Variants in ICA1 observed in about 807,000 individuals in gnomAD.
ICA1 encodes the protein islet cell autoantigen 1, also known as 69 kDa islet cell autoantigen.
In ICA1, 40 loss-of-function variants were observed where a neutral mutation model predicts 71.0. The observed-to-expected ratio is 0.56, with a 90% CI of 0.44 to 0.73. The LOEUF is 0.73. Ranked by LOEUF, ICA1 falls within the 30% of genes least tolerant of loss-of-function variation. The probability of loss-of-function intolerance (pLI) is 0.00; values close to 1 mark genes in which losing one functional copy is unlikely to be tolerated. For synonymous variants in ICA1, 207 were observed against 209.5 expected (o/e 0.99, Z 0.10); for missense variants, 578 against 576.5 (o/e 1.00, Z -0.03).
At chr7:8,192,706 C>A (rs1786093510) in intron 6 of ICA1, among the ~76,000 whole-genome samples, 1 of 151,816 alleles carries the variant, frequency 6.6e-6, no homozygotes, top group African/African-American at 2.4e-5. Context: ...CAACATTCTA[C>A]ATTTATTGGT....
intron 1 of ICA1, among the ~76,000 whole-genome samples, chr7:8,250,319 C>T (rs1263945315): frequency 3.3e-5 from 5 of 152,136 alleles, no homozygotes; most frequent in African/African-American, 1.2e-4. Context: ...TTCCTCCAGG[C>T]ATAATTAACC....
intron 7 of ICA1, 137 bp from the exon 8 acceptor site, chr7:8,157,351 GCC>G: frequency 1.2e-6 from 1 of 868,142 alleles, no homozygotes; most frequent in Non-Finnish European, 1.7e-6. Flanking sequence ...TTCCCATTAT[GCC>G]CCCAATTACA....
At chr7:8,141,859 GT>G (rs1237109872) in intron 9 of ICA1, 42 bp from the exon 10 acceptor site, 1 of 1,433,886 alleles carries the variant, frequency 7.0e-7, no homozygotes. Context: ...TTCTACCAAT[GT>G]TATATTTATG....
In ICA1 at chr7:8,251,577, G is replaced by A. The variant is rs144266314; in HGVS notation, c.-80+10517C>T. The stretch of plus-strand genomic sequence containing the variant: ...CCTTTTCAATGATTAAAAAATTGGG[G>A]TTCTAAAAATAGAGATGACTTGTCC... On this transcript the variant is annotated intron_variant, in intron 1 of 13. Coordinates refer to ENST00000402384, the MANE Select transcript of ICA1 (RefSeq NM_001136020.3). Among the ~76,000 whole-genome samples the A allele has an allele frequency of 4.3e-4, 65 of 151,626 alleles. No individual in the cohort carries two copies. In the East Asian group the frequency reaches 0.012, roughly 28 times the overall value.
chr7:8,198,687 C>T (rs937605793), intron 6 of ICA1, among the ~76,000 whole-genome samples: 3 of 152,140 alleles, frequency 2.0e-5, no homozygotes, highest in African/African-American at 7.2e-5. Flanking sequence ...ATATGCTAAT[C>T]TGATGATTTG....
intron 10 of ICA1, among the ~76,000 whole-genome samples, chr7:8,140,128 T>C (rs543552183): frequency 6.6e-6 from 1 of 152,340 alleles, no homozygotes; most frequent in South Asian, 2.1e-4. Flanking sequence ...TGCATACAAA[T>C]ATAATAAACT....
intron 6 of ICA1, among the ~76,000 whole-genome samples, chr7:8,162,163 C>T (rs1187949217): frequency 6.6e-6 from 1 of 152,126 alleles, no homozygotes; most frequent in Non-Finnish European, 1.5e-5. Flanking sequence ...TAGGAGAAAA[C>T]TTATTTCACT....
intron 6 of ICA1, among the ~76,000 whole-genome samples, chr7:8,160,566 A>T (rs567044090): frequency 3.2e-4 from 49 of 152,366 alleles, no homozygotes; most frequent in Middle Eastern, 3.4e-3. Flanking sequence ...TTTTCCCTGA[A>T]GGATTCTATG....
At chr7:8,196,096 G>T (rs12531981) in intron 6 of ICA1, among the ~76,000 whole-genome samples, 150,591 of 152,308 alleles carry the variant, frequency 0.99, 74,453 homozygotes, top group Middle Eastern at 1. Context: ...TTGCCAAAAA[G>T]TGGAAGCAAC....
At chr7:8,207,257 GA>G (rs1791925572) in intron 6 of ICA1, among the ~76,000 whole-genome samples, 1 of 152,166 alleles carries the variant, frequency 6.6e-6, no homozygotes, top group East Asian at 1.9e-4. Flanking sequence ...TACCAAGCCC[GA>G]AAATCATATT....
chr7:8,233,642 C>G (rs1447592332), intron 2 of ICA1, among the ~76,000 whole-genome samples: 1 of 152,034 alleles, frequency 6.6e-6, no homozygotes. Flanking sequence ...ATGATCCGCC[C>G]TCCTCAGCCT....
intron 1 of ICA1, among the ~76,000 whole-genome samples, chr7:8,254,943 G>A (rs1429184000): frequency 3.3e-5 from 5 of 152,038 alleles, no homozygotes; most frequent in African/African-American, 1.2e-4. Context: ...ACGCACTCTG[G>A]GGAACCATGG....
chr7:8,134,131 G>A (rs1380004144), intron 12 of ICA1, among the ~76,000 whole-genome samples: 4 of 152,148 alleles, frequency 2.6e-5, no homozygotes, highest in African/African-American at 9.7e-5. Flanking sequence ...TCCACTGGCA[G>A]CCAGGCACCA....
At chr7:8,181,356 A>G (rs1011161087) in intron 6 of ICA1, among the ~76,000 whole-genome samples, 1 of 152,180 alleles carries the variant, frequency 6.6e-6, no homozygotes, top group Non-Finnish European at 1.5e-5. Flanking sequence ...TCTTTAGCCA[A>G]TGCCACACTG....
intron 4 of ICA1, among the ~76,000 whole-genome samples, chr7:8,224,294 C>A (rs1485771532): frequency 6.6e-6 from 1 of 152,014 alleles, no homozygotes; most frequent in Middle Eastern, 3.2e-3. Flanking sequence ...AGCAGGAACA[C>A]CCAGTGCAAA....
intron 1 of ICA1, among the ~76,000 whole-genome samples, chr7:8,247,294 A>T (rs1339295363): frequency 6.6e-6 from 1 of 152,036 alleles, no homozygotes; most frequent in Non-Finnish European, 1.5e-5. Flanking sequence ...CTACAAAAAA[A>T]TAATTAGAAG....
intron 9 of ICA1, among the ~76,000 whole-genome samples, chr7:8,142,365 T>C (rs11980960): frequency 0.25 from 38,453 of 152,142 alleles, 5,568 homozygotes; most frequent in African/African-American, 0.4. Context: ...GATGCACCTT[T>C]GTCTGCTATT....
At chr7:8,229,077 G>C (rs1458246921) in intron 3 of ICA1, among the ~76,000 whole-genome samples, 4 of 152,090 alleles carry the variant, frequency 2.6e-5, no homozygotes, top group Non-Finnish European at 1.5e-5. Context: ...TGGGGGATCT[G>C]TCAATTAAGC....
chr7:8,151,106 C>T (rs1798647016), intron 8 of ICA1, among the ~76,000 whole-genome samples: 1 of 152,184 alleles, frequency 6.6e-6, no homozygotes, highest in Non-Finnish European at 1.5e-5. Context: ...AATTACAATC[C>T]CAACCTTGGC....
Sources: gnomAD v4.1 joint callset for allele counts (sites outside exome capture counted in the v4.1 genomes callset) on GRCh38, gnomAD v4.1.1 for gene constraint, MANE v1.5 for transcripts, NCBI Gene and HGNC (gene_info 2026-07-23, HGNC 2026-07-21) for gene names.